Variants in GALNT13 observed in about 807,000 individuals in gnomAD.
The protein encoded by GALNT13 is UDP-GalNAc:polypeptide N-acetylgalactosaminyltransferase 13.
GALNT13 carries 28 observed loss-of-function variants against 64.2 expected under a neutral mutation model. The ratio of observed to expected loss-of-function variants is 0.44; its 90% CI spans 0.32 to 0.60. The LOEUF is 0.60. GALNT13 is among the 20% of genes least tolerant of loss of function. The pLI is 0.05. For missense variants in GALNT13, 577 were observed against 669.8 expected (o/e 0.86, Z 1.53); for synonymous variants, 214 against 224.6 (o/e 0.95, Z 0.42).
At chr2:154,340,609 T>C (rs1328470064) in intron 9 of GALNT13, among the ~76,000 whole-genome samples, 1 of 152,170 alleles carries the variant, frequency 6.6e-6, no homozygotes, top group Non-Finnish European at 1.5e-5. Context: ...TTTTCTTCCA[T>C]AGCTGAAGAA....
At chr2:153,483,952 AG>A in the GALNT13 span, among the ~76,000 whole-genome samples, 2 of 152,296 alleles carry the variant, frequency 1.3e-5, no homozygotes, top group East Asian at 3.9e-4. Context: ...GGAAATGGAT[AG>A]GGTGATGGTT....
At chr2:154,093,092 G>A (rs1701898461) in intron 3 of GALNT13, among the ~76,000 whole-genome samples, 2 of 151,944 alleles carry the variant, frequency 1.3e-5, no homozygotes, top group Non-Finnish European at 2.9e-5. Flanking sequence ...TGAAAATAAT[G>A]TAGCCCTACT....
the GALNT13 span, among the ~76,000 whole-genome samples, chr2:153,162,051 A>G: frequency 6.6e-6 from 1 of 152,104 alleles, no homozygotes; most frequent in Non-Finnish European, 1.5e-5. Context: ...AATGCACCCC[A>G]CTGGCTGTAG....
chr2:153,672,614 T>G, the GALNT13 span, among the ~76,000 whole-genome samples: 1 of 152,084 alleles, frequency 6.6e-6, no homozygotes, highest in East Asian at 1.9e-4. Context: ...AGATCTAAAA[T>G]CAGCACCCTA....
chr2:153,548,859 G>A, the GALNT13 span, among the ~76,000 whole-genome samples: 9 of 152,254 alleles, frequency 5.9e-5, no homozygotes, highest in South Asian at 2.1e-4. Context: ...TAACACTCCC[G>A]AAGTGGAAAT....
At chr2:153,258,448 T>C in the GALNT13 span, among the ~76,000 whole-genome samples, 1 of 152,142 alleles carries the variant, frequency 6.6e-6, no homozygotes, top group Non-Finnish European at 1.5e-5. Flanking sequence ...TTAGTTTTAA[T>C]ATTATTTATT....
intron 3 of GALNT13, among the ~76,000 whole-genome samples, chr2:153,978,695 T>C (rs186138438): frequency 1.6e-3 from 239 of 152,320 alleles, no homozygotes; most frequent in Middle Eastern, 3.4e-3. Context: ...TGAAGTCCAA[T>C]TAAACCTCTT....
chr2:153,589,614 C>A, the GALNT13 span, among the ~76,000 whole-genome samples: 1 of 152,168 alleles, frequency 6.6e-6, no homozygotes, highest in East Asian at 1.9e-4. Context: ...AATGGACTTA[C>A]AATTCCACAT....
At chr2:153,788,402 A>AT in the GALNT13 span, among the ~76,000 whole-genome samples, 35,969 of 148,466 alleles carry the variant, frequency 0.24, 4,495 homozygotes, top group Non-Finnish European at 0.28. Flanking sequence ...TGCTGAGGGA[A>AT]TTTTTTTTTT....
At chr2:154,227,212 G>C (rs1006896753) in intron 4 of GALNT13, among the ~76,000 whole-genome samples, 6 of 152,110 alleles carry the variant, frequency 3.9e-5, no homozygotes, top group Non-Finnish European at 8.8e-5. Context: ...TGCTGATGAT[G>C]TGGGGAGGGG....
chr2:153,723,669 CAG>C, the GALNT13 span, among the ~76,000 whole-genome samples: 2 of 152,158 alleles, frequency 1.3e-5, no homozygotes, highest in East Asian at 1.9e-4. Flanking sequence ...AACAAACAAA[CAG>C]AGAGCCAAAT....
At chr2:153,173,378 G>A in the GALNT13 span, 2 of 152,162 alleles carry the variant, frequency 1.3e-5, no homozygotes, top group Non-Finnish European at 1.5e-5. Context: ...TGGGTCTACC[G>A]AAATCAAGTT....
chr2:154,145,048 T>TTCTCTCTCTCTCTC (rs3075862), intron 4 of GALNT13, among the ~76,000 whole-genome samples: 90 of 106,634 alleles, frequency 8.4e-4, no homozygotes, highest in South Asian at 1.3e-3. Flanking sequence ...ATTTATGTAG[T>TTCTCTCTCTCTCTC]TCTCTCTCTC....
At chr2:153,864,862 A>G in the GALNT13 span, among the ~76,000 whole-genome samples, 1 of 147,734 alleles carries the variant, frequency 6.8e-6, no homozygotes, top group South Asian at 2.3e-4. Context: ...GTCAATCCTA[A>G]GCCAAAAGAA....
chr2:153,126,169 C>A, the GALNT13 span, among the ~76,000 whole-genome samples: 4 of 151,448 alleles, frequency 2.6e-5, no homozygotes, highest in African/African-American at 7.3e-5. Flanking sequence ...GGAAAAATAG[C>A]CAAGTAAGGC....
the GALNT13 span, among the ~76,000 whole-genome samples, chr2:153,248,688 T>C: frequency 5.0e-4 from 76 of 151,664 alleles, no homozygotes; most frequent in Admixed American, 9.9e-4. Context: ...TGGTGGTGGG[T>C]GCCTGTAGTC....
chr2:153,636,101 C>T, the GALNT13 span, among the ~76,000 whole-genome samples: 8 of 152,110 alleles, frequency 5.3e-5, no homozygotes, highest in East Asian at 9.7e-4. Flanking sequence ...AGACACAAAA[C>T]GCCCGTTATA....
chr2:153,158,559 A>G, the GALNT13 span, among the ~76,000 whole-genome samples: 1 of 152,166 alleles, frequency 6.6e-6, no homozygotes, highest in Non-Finnish European at 1.5e-5. Context: ...TCAAGCAGAG[A>G]AACAGATGCA....
chr2:153,138,010 C>T, the GALNT13 span, among the ~76,000 whole-genome samples: 4 of 152,134 alleles, frequency 2.6e-5, no homozygotes, highest in African/African-American at 4.8e-5. Context: ...GAGACCCTCA[C>T]ACAGTGCTTA....
Sources: gnomAD v4.1 joint callset for allele counts (sites outside exome capture counted in the v4.1 genomes callset) on GRCh38, gnomAD v4.1.1 for gene constraint, MANE v1.5 for transcripts, NCBI Gene and HGNC (gene_info 2026-07-23, HGNC 2026-07-21) for gene names.